The following FURIN variants were observed in gnomAD, a reference collection of about 807,000 sequenced individuals.
FURIN encodes the protein FES upstream region.
FURIN carries 18 observed loss-of-function variants against 89.2 expected under a neutral mutation model. That is an observed-to-expected ratio of 0.20 (90% CI 0.14 to 0.30). The LOEUF (loss-of-function observed/expected upper bound fraction) is 0.30. FURIN is among the 10% of genes least tolerant of loss of function. FURIN has a pLI of 1.00. For synonymous variants in FURIN, 508 were observed against 466.4 expected (o/e 1.09, Z -1.15); for missense variants, 879 against 1,100.5 (o/e 0.80, Z 2.85).
At chr15:90,880,495 G>T (rs955235806) in intron 13 of FURIN, among the ~76,000 whole-genome samples, 196 bp from the exon 14 acceptor site, 1 of 152,186 alleles carries the variant, frequency 6.6e-6, no homozygotes, top group Non-Finnish European at 1.5e-5. Flanking sequence ...ACCTTGTGCG[G>T]TGCCTGTGTA....
rs1442659930 is a variant in FURIN, at chr15:90,876,679, G to A, written c.372+122G>A. The A allele has an allele frequency of 9.7e-6, 8 of 828,336 alleles. No homozygotes were observed. The highest frequency in any genetic ancestry group is 1.6e-5 in the Non-Finnish European group (8 of 495,650). The allele number at this position is 828,336 out of a possible 1,614,324, so 51.3% of individuals were successfully genotyped here. A position where few individuals can be genotyped will look rare whatever the true frequency, so the allele number is the denominator to read the frequency against. On this transcript the variant is annotated intron_variant, in intron 4 of 15. Coordinates refer to ENST00000268171, the MANE Select transcript of FURIN (RefSeq NM_002569.4). The surrounding 1 kb of genome is among the most constrained non-coding windows in gnomAD (Gnocchi z 5.0). ...CTGATTCGTTTCCTTTCCTCCTGCT[G>A]GGCAGTCTCTCCTTGGCCCATCCTA...
chr15:90,882,161 TC>T lies in FURIN; in HGVS notation c.*285del, dbSNP rs1473260513. 4 of 420,050 alleles carry T rather than the reference TC, an allele frequency of 9.5e-6. No individual in the cohort carries two copies. The highest frequency in any genetic ancestry group is 5.5e-5 in the South Asian group (2 of 36,138). 26.0% of individuals were successfully genotyped at this position (420,050 alleles called of 1,614,324 possible). A position where few individuals can be genotyped will look rare whatever the true frequency, so the allele number is the denominator to read the frequency against. On this transcript the variant is annotated 3_prime_UTR_variant, in exon 16 of 16. Coordinates refer to ENST00000268171, the MANE Select transcript of FURIN (RefSeq NM_002569.4). ...CCCCGGCCCCGGCCCCAGCCAGAGT[TC>T]CTGCGGAGTGAAGAGGGGCAGCCCT...
chr15:90,881,837 G>A lies in FURIN; in HGVS notation c.2344G>A (p.Gly782Ser), dbSNP rs781569002. The A allele has an allele frequency of 2.5e-6, 4 of 1,613,034 alleles. No homozygotes were observed. Among genetic ancestry groups the A allele is most frequent in the East Asian group, 2.2e-5 (1 of 44,888 alleles). The change falls in exon 16 of 16, where the codon GGC becomes AGC. Residue 782 changes from glycine (G) to serine (S), a missense_variant. Coordinates refer to ENST00000268171, the MANE Select transcript of FURIN (RefSeq NM_002569.4). The surrounding 1 kb of genome is among the most constrained non-coding windows in gnomAD (Gnocchi z 4.3). ...TGACTCAGAAGAGGACGAGGGCCGGGGCGAGAGGACCGCCTTTATCAAAGA... is the reference window on the plus strand; with the variant it reads ...TGACTCAGAAGAGGACGAGGGCCGGAGCGAGAGGACCGCCTTTATCAAAGA... ...PSDSEEDEGR[G>S]ERTAFIKDQS...
Position 90,879,437 on chromosome 15 carries a change from C to T in FURIN, c.1054-7C>T. ...CACAGGCCCCAATATGATTCTCTTC[C>T]TGGCAGGTGACGACTGACTTGCGGC... On this transcript the variant is annotated splice_region_variant and splice_polypyrimidine_tract_variant and intron_variant, in intron 9 of 15. Transcript: ENST00000268171. 1 of 1,603,040 alleles carries T rather than the reference C, an allele frequency of 6.2e-7. No individual in the cohort carries two copies. Among genetic ancestry groups the T allele is most frequent in the South Asian group, 1.1e-5 (1 of 90,868 alleles).
In FURIN at chr15:90,883,457, G is replaced by C. The variant is rs78192020; in HGVS notation, c.*1579G>C. The stretch of plus-strand genomic sequence containing the variant: ...TTAAACGTGCAGACTATGCAAACCA[G>C]GCCCAGTCTCCAGTGTGGTACCGTT... On this transcript the variant is annotated 3_prime_UTR_variant, in exon 16 of 16. Transcript: ENST00000268171. 0.07 allele frequency: 10,615 copies of C among 152,658 alleles called. 514 individuals are homozygous for C. The highest frequency in any genetic ancestry group is 0.1 in the Non-Finnish European group (6,999 of 68,064). 9.5% of individuals were successfully genotyped at this position (152,658 alleles called of 1,614,324 possible).
Position 90,875,850 on chromosome 15 carries a change from G to T in FURIN, c.110G>T (p.Arg37Leu). The change falls in exon 2 of 16, where the codon CGC becomes CTC. Residue 37 changes from arginine to leucine, a missense_variant. Physicochemically the swap from Arg to Leu is moderately radical, Grantham distance 102. Transcript: ENST00000268171. The part of the protein sequence containing the change: ...QKVFTNTWAV[R>L]IPGGPAVANS... Reference sequence around the variant, plus strand: ...GTCTTCACCAACACGTGGGCTGTGCGCATCCCTGGAGGCCCAGCGGTGGCC... The same window carrying T: ...GTCTTCACCAACACGTGGGCTGTGCTCATCCCTGGAGGCCCAGCGGTGGCC... 6.3e-7 allele frequency: 1 copy of T among 1,581,974 alleles called. No individual in the cohort carries two copies. Among genetic ancestry groups the T allele is most frequent in the Non-Finnish European group, 8.6e-7 (1 of 1,164,548 alleles).
At chr15:90,870,179 TGAG>T (rs2031221819) in intron 1 of FURIN, among the ~76,000 whole-genome samples, 2 of 152,314 alleles carry the variant, frequency 1.3e-5, no homozygotes, top group African/African-American at 4.8e-5. Context: ...AGGGGTAAAT[TGAG>T]GAAGTCCCTG....
At chr15:90,877,478 C>A in intron 6 of FURIN, 49 bp from the exon 7 acceptor site, 1 of 1,436,686 alleles carries the variant, frequency 7.0e-7, no homozygotes, top group Non-Finnish European at 9.5e-7. Context: ...TCTGCCGGGC[C>A]CTGTTCACCC....
In FURIN at chr15:90,876,330, A is replaced by G; in HGVS notation, c.253A>G (p.Ser85Gly). ...CCTGTCGCCTCACCGCCCGCGGCAC[A>G]GCCGGCTGCAGAGGGAGCCTCAAGT... ...RSLSPHRPRH[S>G]RLQREPQVQW... The change falls in exon 3 of 16, where the codon AGC (serine) becomes GGC (glycine). Residue 85 changes from serine to glycine, a missense_variant. Physicochemically the swap from Ser to Gly is moderately conservative, Grantham distance 56. Around this residue, in one of 5 missense-constraint regions of FURIN, gnomAD observed 125 missense variants for 125.0 expected, o/e 1.00. Coordinates refer to ENST00000268171, the MANE Select transcript of FURIN (RefSeq NM_002569.4). This position sits in a 1 kb window ranked among gnomAD's most constrained non-coding sequence, Gnocchi z 5.0. The G allele has an allele frequency of 6.2e-7, 1 of 1,611,670 alleles. No homozygotes were observed. The highest frequency in any genetic ancestry group is 8.5e-7 in the Non-Finnish European group (1 of 1,178,090).
In FURIN at chr15:90,875,716, A is replaced by G. The variant is rs890087717; in HGVS notation, c.-25A>G. 9 of 1,511,142 alleles carry G rather than the reference A, an allele frequency of 6.0e-6. No homozygotes were observed. The highest frequency in any genetic ancestry group is 8.0e-6 in the Non-Finnish European group (9 of 1,124,592). The allele number at this position is 1,511,142 out of a possible 1,614,324, so 93.6% of individuals were successfully genotyped here. On this transcript the variant is annotated 5_prime_UTR_variant, in exon 2 of 16. Transcript: ENST00000268171. ...ACCAGGCCAAGGAGACGGGCGCTCC[A>G]GGGTCCCAGCCACCTGTCCCCCCCA...
intron 1 of FURIN, among the ~76,000 whole-genome samples, chr15:90,871,954 C>T (rs899124042): frequency 2.0e-5 from 3 of 151,314 alleles, no homozygotes; most frequent in Non-Finnish European, 4.4e-5. Flanking sequence ...CAGGGCGAGC[C>T]CTCTGACCTC....
Position 90,877,596 on chromosome 15 carries a change from C to T in FURIN, c.648C>T (p.Ala216=). The change falls in exon 7 of 16, where the codon GCC becomes GCT. Residue 216 remains alanine (A), a synonymous_variant. Coordinates refer to ENST00000268171, the MANE Select transcript of FURIN (RefSeq NM_002569.4). Reference sequence around the variant, plus strand: ...ACGGTGTCTGTGGTGTAGGTGTGGCCTACAACGCCCGCATTGGAGGTGAGT... The same window carrying T: ...ACGGTGTCTGTGGTGTAGGTGTGGCTTACAACGCCCGCATTGGAGGTGAGT... The part of the protein sequence containing the change: ...ANNGVCGVGV[A]YNARIGGVRM... 6.4e-7 allele frequency: 1 copy of T among 1,571,080 alleles called. No individual in the cohort carries two copies. The highest frequency in any genetic ancestry group is 8.6e-7 in the Non-Finnish European group (1 of 1,158,004).
chr15:90,881,894 C>T lies in FURIN; in HGVS notation c.*16C>T. The T allele has an allele frequency of 4.0e-6, 6 of 1,517,956 alleles. No individual in the cohort carries two copies. The highest frequency in any genetic ancestry group is 5.4e-6 in the Non-Finnish European group (6 of 1,109,018). 94.0% of individuals were successfully genotyped at this position (1,517,956 alleles called of 1,614,324 possible). On this transcript the variant is annotated 3_prime_UTR_variant, in exon 16 of 16. Transcript: ENST00000268171. The surrounding 1 kb of genome is among the most constrained non-coding windows in gnomAD (Gnocchi z 4.3). ...CGCCCTCTGATGAGCCCACTGCCCA[C>T]CCCCTCAAGCCAATCCCCTCCTTGG...
In FURIN at chr15:90,875,911, G is replaced by C; in HGVS notation, c.171G>C (p.Leu57=). The C allele has an allele frequency of 1.9e-6, 3 of 1,581,462 alleles. No individual in the cohort carries two copies. The South Asian group carries it at 3.5e-5, about 18-fold the overall frequency. Residue 57 remains leucine (L), a synonymous_variant, in exon 2 of 16, where the codon CTG becomes CTC. Transcript: ENST00000268171. ...SVARKHGFLN[L]GQIFGDYYHF... Reference sequence around the variant, plus strand: ...CACGGAAGCATGGGTTCCTCAACCTGGGCCAGGTAGGTGTTCCCCCACAGG... The same window carrying C: ...CACGGAAGCATGGGTTCCTCAACCTCGGCCAGGTAGGTGTTCCCCCACAGG...
Position 90,878,791 on chromosome 15 carries a change from G to A in FURIN, c.868G>A (p.Val290Ile). The A allele has an allele frequency of 1.2e-6, 2 of 1,610,818 alleles. No individual in the cohort carries two copies. The highest frequency in any genetic ancestry group is 2.2e-5 in the East Asian group (1 of 44,876). Reference protein sequence around the residue: ...QGRGGLGSIFVWASGNGGREH... With the variant: ...QGRGGLGSIFIWASGNGGREH... ...CCGAGGGGGGCTGGGCTCCATCTTTGTCTGGGCCTCGGGGAACGGGGGCCG... is the reference window on the plus strand; with the variant it reads ...CCGAGGGGGGCTGGGCTCCATCTTTATCTGGGCCTCGGGGAACGGGGGCCG... The change falls in exon 9 of 16, where the codon GTC (valine) becomes ATC (isoleucine). Residue 290 changes from valine to isoleucine, a missense_variant. Val to Ile is a conservative substitution (Grantham distance 29). Transcript: ENST00000268171.
Position 90,880,804 on chromosome 15 carries a change from C to A in FURIN, c.1670C>A (p.Ala557Asp). 6.2e-7 allele frequency: 1 copy of A among 1,613,442 alleles called. No homozygotes were observed. The highest frequency in any genetic ancestry group is 8.5e-7 in the Non-Finnish European group (1 of 1,179,666). ...WVLEIENTSEANNYGTLTKFT... is the reference protein window; with the variant it reads ...WVLEIENTSEDNNYGTLTKFT... ...CTAGAGATTGAAAACACCAGCGAAG[C>A]CAACAACTATGGTACTGGGGGCACT... is the stretch of plus-strand genomic sequence containing the variant. The change falls in exon 14 of 16, where the codon GCC becomes GAC. Residue 557 changes from alanine to aspartate, a missense_variant. Coordinates refer to ENST00000268171, the MANE Select transcript of FURIN (RefSeq NM_002569.4).
At position 90,882,561 on chromosome 15, in the gene FURIN, C is replaced by T. The variant is rs1236616115; in HGVS notation, c.*683C>T. The T allele has an allele frequency of 1.3e-5, 2 of 152,830 alleles. No individual in the cohort carries two copies. The highest frequency in any genetic ancestry group is 2.9e-5 in the Non-Finnish European group (2 of 68,202). 9.5% of individuals were successfully genotyped at this position (152,830 alleles called of 1,614,324 possible). ...TGGTGTCCTGACCACCCTCCCCTCT[C>T]TTGCACCCGCCTCTCCCGTCAGGGC... is the stretch of plus-strand genomic sequence containing the variant. On this transcript the variant is annotated 3_prime_UTR_variant, in exon 16 of 16. Coordinates refer to ENST00000268171, the MANE Select transcript of FURIN (RefSeq NM_002569.4).
At chr15:90,869,914 C>T (rs890328319) in intron 1 of FURIN, among the ~76,000 whole-genome samples, 2 of 152,240 alleles carry the variant, frequency 1.3e-5, no homozygotes, top group East Asian at 1.9e-4. Context: ...AAGCGTGAGT[C>T]ACTTCCTGCC....
At chr15:90,880,008 A>AG (rs1224185851) in intron 12 of FURIN, 24 bp downstream of exon 12, 32 of 1,607,338 alleles carry the variant, frequency 2.0e-5, no homozygotes, top group Non-Finnish European at 2.7e-5. Flanking sequence ...CCAGGCTGGG[A>AG]GGGGGCCAGT....
Sources: gnomAD v4.1 joint callset for allele counts (sites outside exome capture counted in the v4.1 genomes callset) on GRCh38, gnomAD v4.1.1 for gene constraint, gnomAD v4.1.1 regional missense constraint, Gnocchi (gnomAD v3.1) non-coding constraint, MANE v1.5 for transcripts, NCBI Gene and HGNC (gene_info 2026-07-23, HGNC 2026-07-21) for gene names.